The following MSR1 variants were observed in gnomAD, a reference collection of about 807,000 sequenced individuals.
The protein encoded by MSR1 is macrophage scavenger receptor types I and II.
A neutral mutation model predicts 47.2 loss-of-function variants in MSR1; 53 were observed. That is an observed-to-expected ratio of 1.12 (90% CI 0.90 to 1.41). The LOEUF (loss-of-function observed/expected upper bound fraction) is 1.41, where lower values mean the gene tolerates loss of function less well. Ranked by LOEUF, MSR1 falls within the 40% of genes most tolerant of loss-of-function variation. The pLI, the probability that MSR1 is intolerant of heterozygous loss-of-function variation, is 0.00. For synonymous variants in MSR1, 239 were observed against 185.6 expected (o/e 1.29, Z -2.34); for missense variants, 786 against 546.9 (o/e 1.44, Z -4.36).
chr8:16,190,723 C>CTTTTTTT (rs772816603), intron 1 of MSR1, among the ~76,000 whole-genome samples: 10,967 of 142,482 alleles, frequency 0.077, 586 homozygotes, highest in Admixed American at 0.14. Flanking sequence ...TTTTTTCTTT[C>CTTTTTTT]TTTCTTTTTG....
chr8:16,168,731 G>A lies in MSR1; in HGVS notation c.357C>T (p.Ser119=), dbSNP rs202186703. The stretch of plus-strand genomic sequence containing the variant: ...TATGCTGGATTCTCTTCTCCATGTT[G>A]CTCATGTGTTCCATAAAGACTTCTT... ...RFQEVFMEHM[S]NMEKRIQHIL... Residue 119 remains serine (S), a synonymous_variant, in exon 4 of 10, where the codon AGC becomes AGT. Transcript: ENST00000262101. The A allele has an allele frequency of 4.9e-4, 790 of 1,613,978 alleles. No individual in the cohort carries two copies. The highest frequency in any genetic ancestry group is 6.5e-4 in the Admixed American group (39 of 59,994).
At chr8:16,124,768 C>G (rs765893641) in intron 8 of MSR1, among the ~76,000 whole-genome samples, 4 of 152,084 alleles carry the variant, frequency 2.6e-5, no homozygotes, top group Admixed American at 2.6e-4. Context: ...CAGCATCTGA[C>G]AAGATGCAAG....
At chr8:16,138,409 A>C (rs1800444093) in intron 8 of MSR1, among the ~76,000 whole-genome samples, 1 of 152,172 alleles carries the variant, frequency 6.6e-6, no homozygotes, top group South Asian at 2.1e-4. Flanking sequence ...TCTCTTCATT[A>C]TGCATTTTTA....
chr8:16,117,453 G>C (rs1183368234), intron 9 of MSR1, among the ~76,000 whole-genome samples: 1 of 152,138 alleles, frequency 6.6e-6, no homozygotes, highest in East Asian at 1.9e-4. Context: ...AACCCTGTCA[G>C]TGAGTGGAAA....
chr8:16,186,336 G>A, intron 1 of MSR1: 1 of 715,360 alleles, frequency 1.4e-6, no homozygotes, highest in East Asian at 2.7e-5. Flanking sequence ...GATCTCACTA[G>A]CCTCATTGCT....
chr8:16,141,119 G>T, intron 8 of MSR1: 1 of 1,536,302 alleles, frequency 6.5e-7, no homozygotes, highest in Non-Finnish European at 9.0e-7. Flanking sequence ...TTTTAAAGAT[G>T]CATATGAAAA....
At position 16,150,136 on chromosome 8, in the gene MSR1, GTGTGTATA is replaced by G. The variant is rs796746250; in HGVS notation, c.979+87_979+94del. ...ACATTATGTGTGTGTGTATGTGTGT[GTGTGTATA>G]TATATATATATATATATATATATAT... On this transcript the variant is annotated intron_variant, in intron 7 of 9. Transcript: ENST00000262101. The G allele has an allele frequency of 4.7e-3, 889 of 190,222 alleles. 12 individuals are homozygous for G. In the East Asian group the frequency reaches 0.07, roughly 15 times the overall value. The allele number at this position is 190,222 out of a possible 1,614,324, so 11.8% of individuals were successfully genotyped here. A position where few individuals can be genotyped will look rare whatever the true frequency, so the allele number is the denominator to read the frequency against.
rs188851389 is a variant in MSR1 at position 16,178,887 on chromosome 8, G to T, written c.-4-895C>A. ...TGAGCATTTAAAAAAAAATGAAACGGAATCTATATTCTATGACACAATCTG... is the reference window on the plus strand; with the variant it reads ...TGAGCATTTAAAAAAAAATGAAACGTAATCTATATTCTATGACACAATCTG... On this transcript the variant is annotated intron_variant, in intron 1 of 9. Transcript: ENST00000262101. 1.2e-4 allele frequency among the ~76,000 whole-genome samples: 18 copies of T among 152,202 alleles called. No individual in the cohort carries two copies. The East Asian group carries it at 3.5e-3, about 29-fold the overall frequency.
intron 5 of MSR1, among the ~76,000 whole-genome samples, chr8:16,156,367 A>G (rs1278475413): frequency 6.6e-6 from 1 of 151,912 alleles, no homozygotes; most frequent in Non-Finnish European, 1.5e-5. Flanking sequence ...ACATAAATAA[A>G]TAAAGATTAT....
chr8:16,122,289 C>G (rs12676334), intron 8 of MSR1, among the ~76,000 whole-genome samples: 4,254 of 151,924 alleles, frequency 0.028, 144 homozygotes, highest in East Asian at 0.13. Context: ...CTAAAGAAAA[C>G]GAGAAAGAAA....
At position 16,120,331 on chromosome 8, in the gene MSR1, C is replaced by G. The variant is rs1469489289; in HGVS notation, c.1222+87G>C. ...GGCAGAGGTTGCAGTGAGCCGAGATCGCGCCACTGCACTCCAGTCTGGGCG... is the reference window on the plus strand; with the variant it reads ...GGCAGAGGTTGCAGTGAGCCGAGATGGCGCCACTGCACTCCAGTCTGGGCG... On this transcript the variant is annotated intron_variant, in intron 9 of 9. Transcript: ENST00000262101. The G allele has an allele frequency of 2.1e-6, 3 of 1,397,064 alleles. No homozygotes were observed. The African/African-American group carries it at 4.2e-5, about 20-fold the overall frequency. The allele number at this position is 1,397,064 out of a possible 1,614,324, so 86.5% of individuals were successfully genotyped here.
intron 6 of MSR1, 90 bp downstream of exon 6, chr8:16,154,974 A>G: frequency 9.2e-7 from 1 of 1,082,042 alleles, no homozygotes; most frequent in Non-Finnish European, 1.4e-6. Flanking sequence ...TGCAGGATAT[A>G]AATAAAATAG....
intron 1 of MSR1, among the ~76,000 whole-genome samples, chr8:16,180,575 T>A (rs1411469907): frequency 6.6e-6 from 1 of 152,182 alleles, no homozygotes; most frequent in Non-Finnish European, 1.5e-5. Context: ...CATTTCTTAT[T>A]TTCTTGAATG....
chr8:16,111,865 C>T (rs1021853669), intron 9 of MSR1, among the ~76,000 whole-genome samples: 1 of 152,124 alleles, frequency 6.6e-6, no homozygotes, highest in Admixed American at 6.5e-5. Flanking sequence ...TGCTCAAAGT[C>T]GCACAGGATT....
Position 16,155,089 on chromosome 8 carries a change from A to G in MSR1, c.873T>C (p.Gly291=). 2.5e-6 allele frequency: 4 copies of G among 1,612,208 alleles called. No individual in the cohort carries two copies. The highest frequency in any genetic ancestry group is 2.2e-5 in the East Asian group (1 of 44,820). ...CTATTGGACCTGGAAATCCTCGTGGACCACTTTCTCCAGTGGGACCTCGAT... is the reference window on the plus strand; with the variant it reads ...CTATTGGACCTGGAAATCCTCGTGGGCCACTTTCTCCAGTGGGACCTCGAT... The part of the protein sequence containing the change: ...KGDRGPTGES[G]PRGFPGPIGP... The change falls in exon 6 of 10, where the codon GGT becomes GGC. Residue 291 remains glycine, a synonymous_variant. Coordinates refer to ENST00000262101, the MANE Select transcript of MSR1 (RefSeq NM_138715.3).
At chr8:16,188,446 C>G (rs946258932) in intron 1 of MSR1, among the ~76,000 whole-genome samples, 1 of 152,124 alleles carries the variant, frequency 6.6e-6, no homozygotes, top group Admixed American at 6.6e-5. Context: ...ACGCGTTTTC[C>G]TTAAAATCAC....
chr8:16,184,665 C>T (rs543580253), intron 1 of MSR1, among the ~76,000 whole-genome samples: 1 of 152,084 alleles, frequency 6.6e-6, no homozygotes, highest in South Asian at 2.1e-4. Flanking sequence ...TTATTGTTTG[C>T]TTTGGCAGTA....
intron 9 of MSR1, among the ~76,000 whole-genome samples, chr8:16,118,384 T>A (rs954591174): frequency 6.6e-6 from 1 of 152,174 alleles, no homozygotes; most frequent in African/African-American, 2.4e-5. Flanking sequence ...TTTAAATAAA[T>A]GGTCTTTCAT....
chr8:16,190,222 C>G (rs1364913104), intron 1 of MSR1, among the ~76,000 whole-genome samples: 2 of 152,038 alleles, frequency 1.3e-5, no homozygotes, highest in Non-Finnish European at 2.9e-5. Context: ...TAGCTTTCTT[C>G]TTTTAAAATG....
Sources: allele counts gnomAD v4.1 joint callset (sites outside exome capture counted in the v4.1 genomes callset), GRCh38; gene constraint gnomAD v4.1.1; transcripts MANE v1.5; gene names NCBI Gene and HGNC (gene_info 2026-07-23, HGNC 2026-07-21).